The following CCL22 variants were observed in gnomAD, a reference collection of about 807,000 sequenced individuals.
CCL22 encodes C-C motif chemokine 22.
In CCL22, 7 loss-of-function variants were observed where a neutral mutation model predicts 7.6. That is an observed-to-expected ratio of 0.92 (90% CI 0.52 to 1.72). The LOEUF (loss-of-function observed/expected upper bound fraction) is 1.72, where lower values mean the gene tolerates loss of function less well. CCL22 is among the 40% of genes most tolerant of loss of function. The pLI is 0.00. For missense variants in CCL22, 115 were observed against 124.7 expected (o/e 0.92, Z 0.37); for synonymous variants, 55 against 47.2 (o/e 1.17, Z -0.68).
intron 2 of CCL22, among the ~76,000 whole-genome samples, chr16:57,362,602 TA>T (rs1902060418): frequency 6.6e-6 from 1 of 152,090 alleles, no homozygotes; most frequent in Non-Finnish European, 1.5e-5. Context: ...GGCTCACTCC[TA>T]TAATCCTAGC....
intron 2 of CCL22, 66 bp from the exon 3 acceptor site, chr16:57,363,438 C>G (rs1425905413): frequency 1.9e-6 from 2 of 1,043,722 alleles, no homozygotes; most frequent in Non-Finnish European, 3.0e-6. Flanking sequence ...GCTAAGCTCC[C>G]GAGGGTGTGG....
rs1555509469 is a variant in CCL22, at chr16:57,364,806, C to CCCT, written c.*1218_*1219insCCT. On this transcript the variant is annotated 3_prime_UTR_variant, in exon 3 of 3. Coordinates refer to ENST00000219235, the MANE Select transcript of CCL22 (RefSeq NM_002990.5). ...TTCCCTCTCCCCACCCCCCCCCCAA[C>CCCT]TTTTTTTTTTTTTTATGGCAGGGTC... 4 of 119,018 alleles carry CCCT rather than the reference C, an allele frequency of 3.4e-5. No homozygotes were observed. The highest frequency in any genetic ancestry group is 5.0e-5 in the Non-Finnish European group (3 of 59,486). 7.4% of individuals were successfully genotyped at this position (119,018 alleles called of 1,614,324 possible). A position where few individuals can be genotyped will look rare whatever the true frequency, so the allele number is the denominator to read the frequency against.
At chr16:57,358,978 G>C in intron 1 of CCL22, 89 bp downstream of exon 1, 1 of 1,020,706 alleles carries the variant, frequency 9.8e-7, no homozygotes, top group South Asian at 1.3e-5. Context: ...ACTGGACCAA[G>C]AGCAGAAGAC....
intron 2 of CCL22, among the ~76,000 whole-genome samples, chr16:57,361,746 C>T (rs1364724076): frequency 6.6e-6 from 1 of 152,144 alleles, no homozygotes; most frequent in African/African-American, 2.4e-5. Context: ...AAATCTCACA[C>T]CTGGGGAGGC....
rs1902096224 is a variant in CCL22, at chr16:57,365,248, C to G, written c.*1660C>G. On this transcript the variant is annotated 3_prime_UTR_variant, in exon 3 of 3. Coordinates refer to ENST00000219235, the MANE Select transcript of CCL22 (RefSeq NM_002990.5). The stretch of plus-strand genomic sequence containing the variant: ...CCAGGCCTGGCCTCTTCAGAGTACC[C>G]CCCATTCCACTTTCCCTGCCTCCTT... 6.6e-6 allele frequency: 1 copy of G among 152,216 alleles called. No individual in the cohort carries two copies. Among genetic ancestry groups the G allele is most frequent in the Admixed American group, 6.5e-5 (1 of 15,274 alleles). The allele number at this position is 152,216 out of a possible 1,614,324, so 9.4% of individuals were successfully genotyped here.
chr16:57,361,389 C>T (rs537955078), intron 2 of CCL22, among the ~76,000 whole-genome samples: 84 of 152,186 alleles, frequency 5.5e-4, no homozygotes, highest in African/African-American at 2.0e-3. Context: ...AGGTGCCTCC[C>T]GAGTGCCAGG....
chr16:57,363,591 A>C lies in CCL22; in HGVS notation c.*3A>C. On this transcript the variant is annotated 3_prime_UTR_variant, in exon 3 of 3. Transcript: ENST00000219235. Reference sequence around the variant, plus strand: ...TTCTCAATAAGCTGAGCCAATGAAGAGCCTACTCTGATGACCGTGGCCTTG... The same window carrying C: ...TTCTCAATAAGCTGAGCCAATGAAGCGCCTACTCTGATGACCGTGGCCTTG... The C allele has an allele frequency of 6.2e-7, 1 of 1,606,194 alleles. No individual in the cohort carries two copies. The highest frequency in any genetic ancestry group is 2.2e-5 in the East Asian group (1 of 44,842).
At position 57,366,115 on chromosome 16, in the gene CCL22, G is replaced by C. The variant is rs944870544; in HGVS notation, c.*2527G>C. On this transcript the variant is annotated 3_prime_UTR_variant, in exon 3 of 3. Transcript: ENST00000219235. ...CTGCCCATGAACGGGGCCCTCAAGC[G>C]TCCTGGGATCTCCTTCTCCCTCCTG... The C allele has an allele frequency of 2.0e-5, 3 of 152,394 alleles. No homozygotes were observed. The highest frequency in any genetic ancestry group is 7.2e-5 in the African/African-American group (3 of 41,452). The allele number at this position is 152,394 out of a possible 1,614,324, so 9.4% of individuals were successfully genotyped here.
intron 2 of CCL22, among the ~76,000 whole-genome samples, chr16:57,362,076 G>A (rs1597990619): frequency 6.6e-6 from 1 of 152,302 alleles, no homozygotes; most frequent in Middle Eastern, 3.4e-3. Flanking sequence ...TGCAGTAGGT[G>A]CCATCGTGAC....
chr16:57,360,630 T>C, intron 2 of CCL22, 70 bp downstream of exon 2: 2 of 1,588,234 alleles, frequency 1.3e-6, no homozygotes, highest in Non-Finnish European at 1.7e-6. Flanking sequence ...GCCCAGGTGC[T>C]GGTGGGTGGG....
chr16:57,358,319 G>A (rs1003254774), upstream of CCL22, among the ~76,000 whole-genome samples: 37 of 152,294 alleles, frequency 2.4e-4, no homozygotes, highest in South Asian at 7.5e-3. Flanking sequence ...GGGTCCATAG[G>A]CCTCTCCCAT....
At chr16:57,360,603 G>C (rs758615095) in intron 2 of CCL22, 43 bp downstream of exon 2, 1 of 1,612,646 alleles carries the variant, frequency 6.2e-7, no homozygotes, top group Non-Finnish European at 8.5e-7. Flanking sequence ...TGGGCCTGAC[G>C]GGTACAGCCT....
intron 2 of CCL22, among the ~76,000 whole-genome samples, chr16:57,360,955 G>C (rs1902042673): frequency 1.3e-5 from 2 of 151,618 alleles, no homozygotes; most frequent in Admixed American, 1.3e-4. Context: ...ATGCTCCCAG[G>C]TTCTGGGCAA....
At chr16:57,363,447 G>A (rs1902070696) in intron 2 of CCL22, 57 bp from the exon 3 acceptor site, 1 of 1,151,552 alleles carries the variant, frequency 8.7e-7, no homozygotes, top group Non-Finnish European at 1.3e-6. Flanking sequence ...CCGAGGGTGT[G>A]GCATCCTTGC....
chr16:57,361,703 G>A (rs151318223), intron 2 of CCL22, among the ~76,000 whole-genome samples: 1 of 152,296 alleles, frequency 6.6e-6, no homozygotes. Flanking sequence ...CTCTCTGGCT[G>A]CTTCTCCAAC....
chr16:57,360,425 C>G lies in CCL22; in HGVS notation c.74-12C>G. On this transcript the variant is annotated splice_polypyrimidine_tract_variant and intron_variant, in intron 1 of 2. Coordinates refer to ENST00000219235, the MANE Select transcript of CCL22 (RefSeq NM_002990.5). ...CTCCAGCTTGTGAATTCACTGGGGA[C>G]CCCTCCCCTAGGCCCCTACGGCGCC... 6.2e-7 allele frequency: 1 copy of G among 1,614,054 alleles called. No individual in the cohort carries two copies.
Position 57,363,627 on chromosome 16 carries a change from G to A in CCL22, c.*39G>A. 7.5e-7 allele frequency: 1 copy of A among 1,325,598 alleles called. No individual in the cohort carries two copies. The highest frequency in any genetic ancestry group is 1.1e-6 in the Non-Finnish European group (1 of 918,414). The allele number at this position is 1,325,598 out of a possible 1,614,324, so 82.1% of individuals were successfully genotyped here. A position where few individuals can be genotyped will look rare whatever the true frequency, so the allele number is the denominator to read the frequency against. Reference sequence around the variant, plus strand: ...ATGACCGTGGCCTTGGCTCCTCCAGGAAGGCTCAGGAGCCCTACCTCCCTG... The same window carrying A: ...ATGACCGTGGCCTTGGCTCCTCCAGAAAGGCTCAGGAGCCCTACCTCCCTG... On this transcript the variant is annotated 3_prime_UTR_variant, in exon 3 of 3. Transcript: ENST00000219235.
intron 2 of CCL22, among the ~76,000 whole-genome samples, chr16:57,363,211 C>T (rs1376483189): frequency 2.0e-5 from 3 of 152,060 alleles, no homozygotes; most frequent in African/African-American, 7.2e-5. Flanking sequence ...CCCAGGATGG[C>T]CTTAAACCCC....
Position 57,364,948 on chromosome 16 carries a change from G to A in CCL22, c.*1360G>A, listed in dbSNP as rs1338006246. ...CTCCCAAGTAGCTGGGATTACAGGT[G>A]TGTGCCACTACGGCTGGCTAATTTT... On this transcript the variant is annotated 3_prime_UTR_variant, in exon 3 of 3. Transcript: ENST00000219235. 3 of 151,326 alleles carry A rather than the reference G, an allele frequency of 2.0e-5. No homozygotes were observed. Among genetic ancestry groups the A allele is most frequent in the Non-Finnish European group, 4.4e-5 (3 of 68,016 alleles). The allele number at this position is 151,326 out of a possible 1,614,324, so 9.4% of individuals were successfully genotyped here. A position where few individuals can be genotyped will look rare whatever the true frequency, so the allele number is the denominator to read the frequency against.
Sources: allele counts gnomAD v4.1 joint callset (sites outside exome capture counted in the v4.1 genomes callset), GRCh38; gene constraint gnomAD v4.1.1; transcripts MANE v1.5; gene names NCBI Gene and HGNC (gene_info 2026-07-23, HGNC 2026-07-21).